The following CLTB variants were observed in gnomAD, a reference collection of about 807,000 sequenced individuals.
CLTB encodes the protein clathrin, light chain (Lcb).
CLTB carries 10 observed loss-of-function variants against 30.5 expected under a neutral mutation model. The ratio of observed to expected loss-of-function variants is 0.33; its 90% CI spans 0.20 to 0.56. CLTB has a LOEUF of 0.56. CLTB is among the 20% of genes least tolerant of loss of function. The probability of loss-of-function intolerance (pLI) is 0.91; values close to 1 mark genes in which losing one functional copy is unlikely to be tolerated. For synonymous variants in CLTB, 102 were observed against 120.3 expected (o/e 0.85, Z 1.00); for missense variants, 261 against 308.3 (o/e 0.85, Z 1.15).
At chr5:176,397,365 G>C (rs550385482) in intron 4 of CLTB, among the ~76,000 whole-genome samples, 26 of 72,366 alleles carry the variant, frequency 3.6e-4, no homozygotes, top group Non-Finnish European at 5.3e-4. Flanking sequence ...TGTCCCCACA[G>C]CTCCCTCTCA....
intron 2 of CLTB, chr5:176,401,969 A>G (rs2113650122): frequency 6.0e-6 from 2 of 335,986 alleles, no homozygotes; most frequent in South Asian, 4.5e-5. Flanking sequence ...CGAATGACCT[A>G]TTCGGAGTCT....
chr5:176,409,705 C>T (rs1581445178), intron 2 of CLTB, among the ~76,000 whole-genome samples: 2 of 152,310 alleles, frequency 1.3e-5, no homozygotes, highest in Middle Eastern at 3.4e-3. Flanking sequence ...TCAGCCACTG[C>T]ACCCGGCCCT....
At chr5:176,409,089 G>A (rs2113674095) in intron 2 of CLTB, among the ~76,000 whole-genome samples, 1 of 152,088 alleles carries the variant, frequency 6.6e-6, no homozygotes, top group African/African-American at 2.4e-5. Context: ...CTATTCTCCT[G>A]CCTCAGCCTC....
intron 2 of CLTB, among the ~76,000 whole-genome samples, chr5:176,407,319 T>C (rs1226964633): frequency 2.0e-5 from 3 of 152,184 alleles, no homozygotes; most frequent in African/African-American, 7.2e-5. Context: ...GGTACTTTCT[T>C]TTTTGAGACA....
chr5:176,411,302 C>G (rs1757416843), intron 1 of CLTB, among the ~76,000 whole-genome samples: 1 of 152,210 alleles, frequency 6.6e-6, no homozygotes, highest in African/African-American at 2.4e-5. Flanking sequence ...AAAACATGCA[C>G]TTACCTGTGC....
At chr5:176,398,314 C>A (rs1300156528) in intron 2 of CLTB, among the ~76,000 whole-genome samples, 1 of 152,190 alleles carries the variant, frequency 6.6e-6, no homozygotes, top group African/African-American at 2.4e-5. Flanking sequence ...ACCCCCAAAG[C>A]AGAAGACTCA....
chr5:176,394,517 CA>C (rs1159686339), intron 5 of CLTB, among the ~76,000 whole-genome samples: 1 of 151,682 alleles, frequency 6.6e-6, no homozygotes, highest in Admixed American at 6.6e-5. Context: ...ACTAAAAATA[CA>C]AAAAATTAGC....
rs1756340391 is a variant in CLTB at position 176,393,291 on chromosome 5, C to T, written c.519-346G>A. Among the ~76,000 whole-genome samples, 2 of 152,222 alleles carry T rather than the reference C, an allele frequency of 1.3e-5. No individual in the cohort carries two copies. Among genetic ancestry groups the T allele is most frequent in the Admixed American group, 1.3e-4 (2 of 15,286 alleles). On this transcript the variant is annotated intron_variant, in intron 5 of 5. Transcript: ENST00000310418. The surrounding 1 kb of genome is among the most constrained non-coding windows in gnomAD (Gnocchi z 4.4). ...TTACTTCCCCATCGGGAGTTCCCAA[C>T]CTGAGGTTCCTGACACCTAAAGACC... is the stretch of plus-strand genomic sequence containing the variant.
Position 176,416,345 on chromosome 5 carries a change from A to G in CLTB, c.19T>C (p.Phe7Leu). MADDFG[F>L]FSSSESGAPE... ...GCACCGCTCTCCGACGACGAGAAGA[A>G]GCCAAAGTCATCAGCCATTTTCCCC... Residue 7 changes from phenylalanine to leucine, a missense_variant, in exon 1 of 6, where the codon TTC becomes CTC. This residue lies in a region of CLTB where 113 missense variants were observed against 102.5 expected (regional missense o/e 1.10). Coordinates refer to ENST00000310418, the MANE Select transcript of CLTB (RefSeq NM_007097.5). 6.3e-7 allele frequency: 1 copy of G among 1,599,050 alleles called. No homozygotes were observed. The highest frequency in any genetic ancestry group is 8.5e-7 in the Non-Finnish European group (1 of 1,174,826).
intron 1 of CLTB, among the ~76,000 whole-genome samples, chr5:176,414,348 T>C (rs1048506503): frequency 1.3e-5 from 2 of 152,114 alleles, no homozygotes; most frequent in Admixed American, 6.5e-5. Context: ...AAGCCCTCCA[T>C]TGCTGTCTCA....
chr5:176,401,760 G>T, intron 2 of CLTB: 1 of 456,204 alleles, frequency 2.2e-6, no homozygotes, highest in Non-Finnish European at 4.4e-6. Flanking sequence ...TGAAAACAGC[G>T]ACACTGAACA....
At chr5:176,396,441 T>G (rs1199482832) in intron 5 of CLTB, 38 bp downstream of exon 5, 3 of 1,575,876 alleles carry the variant, frequency 1.9e-6, no homozygotes, top group Non-Finnish European at 2.6e-6. Context: ...CCATTCCCTC[T>G]CTAGCTCCCC....
intron 5 of CLTB, among the ~76,000 whole-genome samples, chr5:176,396,246 A>C (rs138381500): frequency 2.6e-4 from 39 of 152,056 alleles, no homozygotes; most frequent in East Asian, 2.3e-3. Flanking sequence ...TGGCAAGCAC[A>C]TTCCTTTCTC....
At chr5:176,415,502 G>C (rs1195685247) in intron 1 of CLTB, among the ~76,000 whole-genome samples, 1 of 152,156 alleles carries the variant, frequency 6.6e-6, no homozygotes, top group Non-Finnish European at 1.5e-5. Context: ...GGGCAACATA[G>C]CGAGACCCCA....
chr5:176,416,129 C>T (rs760960999), intron 1 of CLTB, 48 bp downstream of exon 1: 2 of 1,453,356 alleles, frequency 1.4e-6, no homozygotes, highest in African/African-American at 1.5e-5. Flanking sequence ...GGCCGGGGTC[C>T]CCCGGGTGCG....
chr5:176,406,217 C>T (rs555788824), intron 2 of CLTB: 1 of 1,001,774 alleles, frequency 1.0e-6, no homozygotes, highest in Non-Finnish European at 1.2e-6. Context: ...GGAGAGATCA[C>T]CAGCGGCTAG....
chr5:176,405,207 G>T (rs943035994), intron 2 of CLTB, among the ~76,000 whole-genome samples: 1 of 151,988 alleles, frequency 6.6e-6, no homozygotes, highest in African/African-American at 2.4e-5. Flanking sequence ...AGCGAGTTTG[G>T]GACCAGGTGC....
In CLTB at chr5:176,416,186, TG is replaced by T; in HGVS notation, c.177del (p.Thr60ArgfsTer37). 1 of 1,582,508 alleles carries T rather than the reference TG, an allele frequency of 6.3e-7. No individual in the cohort carries two copies. Among genetic ancestry groups the T allele is most frequent in the Non-Finnish European group, 8.6e-7 (1 of 1,168,676 alleles). ...CCCCGCGCTGACTCACCCCCACTCG[TG>T]GGGCCCGGCTGCGCGGGGGCCGCAT... is the stretch of plus-strand genomic sequence containing the variant. ...GSHAAPAQPG[P>X]TSGAGSEDMG... On this transcript the variant is annotated frameshift_variant, in exon 1 of 6. Transcript: ENST00000310418. LOFTEE classifies it high-confidence loss of function.
In CLTB at chr5:176,416,195, G is replaced by T; in HGVS notation, c.169C>A (p.Pro57Thr). 6.3e-7 allele frequency: 1 copy of T among 1,586,258 alleles called. No homozygotes were observed. Among genetic ancestry groups the T allele is most frequent in the Non-Finnish European group, 8.5e-7 (1 of 1,170,176 alleles). Residue 57 changes from proline to threonine, a missense_variant, in exon 1 of 6, where the codon CCG (proline) becomes ACG (threonine). By Grantham distance (38) the Pro-to-Thr change is conservative (BLOSUM62 -1). Transcript: ENST00000310418. Reference protein sequence around the residue: ...PAGSHAAPAQPGPTSGAGSED... With the variant: ...PAGSHAAPAQTGPTSGAGSED... ...GACTCACCCCCACTCGTGGGGCCCG[G>T]CTGCGCGGGGGCCGCATGGCTGCCG...
Sources: gnomAD v4.1 joint callset for allele counts (sites outside exome capture counted in the v4.1 genomes callset) on GRCh38, gnomAD v4.1.1 for gene constraint, gnomAD v4.1.1 regional missense constraint, Gnocchi (gnomAD v3.1) non-coding constraint, MANE v1.5 for transcripts, NCBI Gene and HGNC (gene_info 2026-07-23, HGNC 2026-07-21) for gene names.